The following LPP variants were observed in gnomAD, a reference collection of about 807,000 sequenced individuals.
LPP encodes the protein lipoma-preferred partner.
Under a neutral mutation model 60.4 loss-of-function variants are expected in LPP, and 38 were observed. The observed-to-expected ratio is 0.63, with a 90% CI of 0.49 to 0.83. The LOEUF (loss-of-function observed/expected upper bound fraction) is 0.83. Ranked by LOEUF, LPP falls within the 40% of genes least tolerant of loss-of-function variation. The pLI is 0.00. For synonymous variants in LPP, 328 were observed against 290.8 expected, an observed-to-expected ratio of 1.13 and a Z score of -1.30; for missense variants, 902 against 783.6, an observed-to-expected ratio of 1.15 and a Z score of -1.80.
intron 1 of LPP, chr3:188,180,205 C>G (rs1185784595): frequency 6.5e-6 from 1 of 154,468 alleles, no homozygotes; most frequent in Non-Finnish European, 1.5e-5. Flanking sequence ...GGCTTCCCAG[C>G]TGGCTTCTTG....
chr3:188,604,694 A>G (rs1842067143), intron 6 of LPP, among the ~76,000 whole-genome samples: 1 of 152,148 alleles, frequency 6.6e-6, no homozygotes, highest in African/African-American at 2.4e-5. Context: ...TTCTTGGGAT[A>G]TTAACCTTCA....
At chr3:188,570,050 C>A (rs1007259233) in intron 6 of LPP, among the ~76,000 whole-genome samples, 3 of 145,854 alleles carry the variant, frequency 2.1e-5, no homozygotes, top group Non-Finnish European at 4.5e-5. Context: ...TAGTCACAAT[C>A]TGATAGCCTT....
chr3:188,529,050 T>G lies in LPP; in HGVS notation c.429+4263T>G, dbSNP rs941421189. Among the ~76,000 whole-genome samples, 5 of 152,360 alleles carry G rather than the reference T, an allele frequency of 3.3e-5. No homozygotes were observed. The East Asian group carries it at 5.8e-4, about 18-fold the overall frequency. On this transcript the variant is annotated intron_variant, in intron 6 of 11. Transcript: ENST00000617246. Reference sequence around the variant, plus strand: ...AGGATGATCCATTCTAATTTTTTTCTATTACTATGATTTAACAAAGCAAGA... The same window carrying G: ...AGGATGATCCATTCTAATTTTTTTCGATTACTATGATTTAACAAAGCAAGA...
intron 8 of LPP, chr3:188,746,492 C>A: frequency 2.1e-6 from 1 of 485,442 alleles, no homozygotes; most frequent in Non-Finnish European, 4.1e-6. Context: ...TAACAGAATG[C>A]TGATAATGCC....
chr3:188,516,593 C>G (rs1212647626), intron 5 of LPP, among the ~76,000 whole-genome samples: 1 of 146,560 alleles, frequency 6.8e-6, no homozygotes, highest in Non-Finnish European at 1.5e-5. Flanking sequence ...CCCACCCTTA[C>G]TCCCCCTGCC....
chr3:188,787,444 ATACATCTAAGCTT>A (rs1229579806), intron 9 of LPP, among the ~76,000 whole-genome samples: 2 of 152,124 alleles, frequency 1.3e-5, no homozygotes, highest in Non-Finnish European at 1.5e-5. Flanking sequence ...ACACACACAC[ATACATCTAAGCTT>A]TATTGTCTTT....
intron 1 of LPP, chr3:188,212,760 A>G (rs1577322595): frequency 6.6e-6 from 1 of 150,906 alleles, no homozygotes; most frequent in East Asian, 2.0e-4. Context: ...TGTGTCCCGT[A>G]GTGGACTGAG....
intron 3 of LPP, among the ~76,000 whole-genome samples, chr3:188,344,692 G>T (rs1274403750): frequency 4.6e-5 from 7 of 152,132 alleles, no homozygotes; most frequent in Admixed American, 4.6e-4. Flanking sequence ...TTTCTGCTTA[G>T]CTTTTGCTTC....
intron 8 of LPP, among the ~76,000 whole-genome samples, chr3:188,730,020 C>T (rs1453486121): frequency 6.6e-6 from 1 of 152,056 alleles, no homozygotes; most frequent in Admixed American, 6.6e-5. Context: ...GTGAATAATC[C>T]ACCAGATTCA....
chr3:188,868,246 A>G (rs558952515), intron 10 of LPP, among the ~76,000 whole-genome samples: 97 of 152,356 alleles, frequency 6.4e-4, no homozygotes, highest in African/African-American at 2.2e-3. Context: ...CGGAGCACAC[A>G]TGTTTCTGTG....
At chr3:188,509,878 T>TG (rs1814902853) in intron 5 of LPP, among the ~76,000 whole-genome samples, 1 of 144,716 alleles carries the variant, frequency 6.9e-6, no homozygotes, top group Non-Finnish European at 1.5e-5. Context: ...TTGTTGTTTT[T>TG]TTTTTTTTTT....
chr3:188,503,980 GATCAA>G, intron 5 of LPP, among the ~76,000 whole-genome samples: 1 of 152,228 alleles, frequency 6.6e-6, no homozygotes, highest in Non-Finnish European at 1.5e-5. Context: ...TCTTGGCTTT[GATCAA>G]ATTTGGGGGA....
chr3:188,657,354 A>G (rs1444109941), intron 7 of LPP, among the ~76,000 whole-genome samples: 2 of 150,378 alleles, frequency 1.3e-5, no homozygotes, highest in Admixed American at 6.7e-5. Context: ...TGTATAAAAA[A>G]GGCAAAGAAT....
At chr3:188,457,918 C>A (rs1798129469) in intron 4 of LPP, among the ~76,000 whole-genome samples, 2 of 151,838 alleles carry the variant, frequency 1.3e-5, no homozygotes, top group Non-Finnish European at 2.9e-5. Flanking sequence ...CAAAAAATAT[C>A]CTTTGAGGTC....
intron 6 of LPP, chr3:188,562,427 A>T (rs893568147): frequency 1.3e-5 from 2 of 152,038 alleles, no homozygotes; most frequent in African/African-American, 2.4e-5. Context: ...ATTGCTGCCT[A>T]CTGAAGTCAA....
intron 2 of LPP, among the ~76,000 whole-genome samples, chr3:188,290,258 G>C (rs775610817): frequency 6.6e-6 from 1 of 152,084 alleles, no homozygotes; most frequent in South Asian, 2.1e-4. Flanking sequence ...TTACAGACGT[G>C]AGCCACCATG....
intron 2 of LPP, among the ~76,000 whole-genome samples, chr3:188,311,043 A>T (rs1337639053): frequency 6.6e-6 from 1 of 152,218 alleles, no homozygotes; most frequent in East Asian, 1.9e-4. Context: ...AGTCGAAGAT[A>T]TTAAGCAGCT....
chr3:188,634,771 TCC>T (rs1848429842), intron 7 of LPP, among the ~76,000 whole-genome samples: 1 of 151,930 alleles, frequency 6.6e-6, no homozygotes, highest in Non-Finnish European at 1.5e-5. Flanking sequence ...AGCTCAGGGC[TCC>T]CACTGATTCC....
chr3:188,485,893 G>T (rs371192993), intron 5 of LPP, among the ~76,000 whole-genome samples: 1 of 151,378 alleles, frequency 6.6e-6, no homozygotes, highest in Non-Finnish European at 1.5e-5. Context: ...AAATAGGGTT[G>T]GTTATGATTT....
Sources: allele counts gnomAD v4.1 joint callset (sites outside exome capture counted in the v4.1 genomes callset), GRCh38; gene constraint gnomAD v4.1.1; transcripts MANE v1.5; gene names NCBI Gene and HGNC (gene_info 2026-07-23, HGNC 2026-07-21).